The following STX3 variants were observed in gnomAD, a reference collection of about 807,000 sequenced individuals.
The protein encoded by STX3 is syntaxin 3.
In STX3, 19 loss-of-function variants were observed where a neutral mutation model predicts 40.2. The ratio of observed to expected loss-of-function variants is 0.47; its 90% CI spans 0.33 to 0.69. STX3 has a LOEUF of 0.69. Ranked by LOEUF, STX3 falls within the 30% of genes least tolerant of loss-of-function variation. STX3 has a pLI of 0.02. For missense variants in STX3, 364 were observed against 366.7 expected, an observed-to-expected ratio of 0.99 and a Z score of 0.06; for synonymous variants, 122 against 132.2, an observed-to-expected ratio of 0.92 and a Z score of 0.53.
chr11:59,770,636 T>C (rs1863559223), intron 1 of STX3, among the ~76,000 whole-genome samples: 2 of 152,146 alleles, frequency 1.3e-5, no homozygotes, highest in South Asian at 4.1e-4. Flanking sequence ...CTTTAAAAAC[T>C]GGTGGTGAAT....
chr11:59,799,867 T>C, intron 10 of STX3: 1 of 985,438 alleles, frequency 1.0e-6, no homozygotes, highest in Middle Eastern at 5.2e-4. Flanking sequence ...CCTTGACTTT[T>C]TTGTATGTGA....
chr11:59,774,104 T>A (rs1041918543), intron 2 of STX3, among the ~76,000 whole-genome samples: 2 of 152,018 alleles, frequency 1.3e-5, no homozygotes, highest in Non-Finnish European at 2.9e-5. Context: ...TGTCTACAGA[T>A]CCATGTACTC....
rs1253443058 is a variant in STX3, at chr11:59,757,875, C to G, written c.30+2240C>G. On this transcript the variant is annotated intron_variant, in intron 1 of 10. Transcript: ENST00000337979. ...GTTTATGTGGATTTTGGTGTCAGTT[C>G]ACCTCCTCTTATCCCCTCTCCCCAG... 2.6e-5 allele frequency among the ~76,000 whole-genome samples: 4 copies of G among 152,182 alleles called. No individual in the cohort carries two copies. The East Asian group carries it at 7.7e-4, about 29-fold the overall frequency.
chr11:59,801,653 A>C lies in STX3; in HGVS notation c.*829A>C. On this transcript the variant is annotated 3_prime_UTR_variant, in exon 11 of 11. Coordinates refer to ENST00000337979, the MANE Select transcript of STX3 (RefSeq NM_004177.5). Reference sequence around the variant, plus strand: ...GGGCCAAAAATAATCAGGGATTTTAAATTGGGCAAGGGACAAGGTGCTAGA... The same window carrying C: ...GGGCCAAAAATAATCAGGGATTTTACATTGGGCAAGGGACAAGGTGCTAGA... The C allele has an allele frequency of 1.0e-6, 1 of 985,752 alleles. No individual in the cohort carries two copies. The highest frequency in any genetic ancestry group is 1.2e-6 in the Non-Finnish European group (1 of 829,946). The allele number at this position is 985,752 out of a possible 1,614,324, so 61.1% of individuals were successfully genotyped here.
Position 59,755,652 on chromosome 11 carries a change from G to T in STX3, c.30+17G>T. On this transcript the variant is annotated intron_variant, in intron 1 of 10. Coordinates refer to ENST00000337979, the MANE Select transcript of STX3 (RefSeq NM_004177.5). ...CTGAAGGCCGTGAGTTTCGCCGCAG[G>T]CGGGGTGCTGCCAGGAGGGGTGCTG... 1 of 1,591,480 alleles carries T rather than the reference G, an allele frequency of 6.3e-7. No individual in the cohort carries two copies.
intron 1 of STX3, among the ~76,000 whole-genome samples, chr11:59,765,998 C>T (rs750097928): frequency 2.6e-5 from 4 of 152,180 alleles, no homozygotes; most frequent in Non-Finnish European, 5.9e-5. Flanking sequence ...GCTGCCCCAC[C>T]GGCCCACAAA....
intron 9 of STX3, among the ~76,000 whole-genome samples, chr11:59,796,385 G>C (rs1865519637): frequency 6.6e-6 from 1 of 152,208 alleles, no homozygotes; most frequent in Non-Finnish European, 1.5e-5. Flanking sequence ...GGTGGCGTCT[G>C]CTTTTTAGAC....
chr11:59,762,525 G>A (rs542798910), intron 1 of STX3, among the ~76,000 whole-genome samples: 20 of 152,216 alleles, frequency 1.3e-4, no homozygotes, highest in Non-Finnish European at 2.1e-4. Flanking sequence ...CGTTGTCACT[G>A]TTATTTAAGT....
intron 1 of STX3, among the ~76,000 whole-genome samples, chr11:59,766,538 G>C (rs1863293202): frequency 6.6e-6 from 1 of 152,156 alleles, no homozygotes; most frequent in Admixed American, 6.5e-5. Context: ...CCCTGAGTGG[G>C]GTTTCTGAGG....
At chr11:59,768,882 G>A (rs1863412931) in intron 1 of STX3, among the ~76,000 whole-genome samples, 1 of 152,116 alleles carries the variant, frequency 6.6e-6, no homozygotes, top group African/African-American at 2.4e-5. Context: ...GGAAATTGAG[G>A]CTCAGAGATG....
intron 6 of STX3, 48 bp downstream of exon 6, chr11:59,792,263 G>C (rs1293427412): frequency 1.3e-6 from 2 of 1,544,616 alleles, no homozygotes; most frequent in African/African-American, 2.7e-5. Flanking sequence ...CCTGCCACCT[G>C]GTTGTCCATC....
At chr11:59,792,512 T>C (rs543173172) in intron 6 of STX3, among the ~76,000 whole-genome samples, 1 of 152,284 alleles carries the variant, frequency 6.6e-6, no homozygotes, top group South Asian at 2.1e-4. Flanking sequence ...GCTGTCTGTT[T>C]GACAGCAAAG....
intron 1 of STX3, among the ~76,000 whole-genome samples, chr11:59,760,531 T>A (rs1862976234): frequency 6.6e-6 from 1 of 152,108 alleles, no homozygotes; most frequent in South Asian, 2.1e-4. Context: ...GGTCCTTTTG[T>A]CTTTAAGGTC....
chr11:59,799,541 C>T (rs1177918051), intron 10 of STX3: 1 of 483,632 alleles, frequency 2.1e-6, no homozygotes, highest in African/African-American at 2.1e-5. Context: ...ATATTTTTCT[C>T]ATTTAAATTT....
intron 2 of STX3, among the ~76,000 whole-genome samples, chr11:59,778,543 AAGAG>A (rs988358730): frequency 1.3e-5 from 2 of 152,184 alleles, no homozygotes; most frequent in Non-Finnish European, 2.9e-5. Flanking sequence ...GTTAAAAAGA[AAGAG>A]AGGGAAGGGG....
intron 5 of STX3, among the ~76,000 whole-genome samples, chr11:59,791,888 A>G (rs560732575): frequency 6.6e-6 from 1 of 152,356 alleles, no homozygotes; most frequent in East Asian, 1.9e-4. Context: ...TGAGGTCAGC[A>G]GTAAACCGGT....
intron 2 of STX3, among the ~76,000 whole-genome samples, chr11:59,781,033 G>A (rs997997867): frequency 6.7e-6 from 1 of 149,662 alleles, no homozygotes; most frequent in African/African-American, 2.5e-5. Flanking sequence ...GACTTCCATT[G>A]CTTGGTTGAC....
intron 1 of STX3, among the ~76,000 whole-genome samples, chr11:59,763,407 C>G (rs1863135970): frequency 6.6e-6 from 1 of 152,104 alleles, no homozygotes; most frequent in South Asian, 2.1e-4. Flanking sequence ...CTAGACCCAC[C>G]TCAGGTCTGG....
chr11:59,763,778 G>A (rs1486200195), intron 1 of STX3, among the ~76,000 whole-genome samples: 5 of 152,228 alleles, frequency 3.3e-5, no homozygotes, highest in Non-Finnish European at 7.3e-5. Flanking sequence ...AGCACTTTGG[G>A]AGGCCGAGGC....
Sources: allele counts gnomAD v4.1 joint callset (sites outside exome capture counted in the v4.1 genomes callset), GRCh38; gene constraint gnomAD v4.1.1; transcripts MANE v1.5; gene names NCBI Gene and HGNC (gene_info 2026-07-23, HGNC 2026-07-21).